The following ZNF185 variants were observed in gnomAD, a reference collection of about 807,000 sequenced individuals.
ZNF185 encodes zinc finger protein 185 with LIM domain, also known as zinc finger protein 185.
In ZNF185, 56 loss-of-function variants were observed where a neutral mutation model predicts 58.6. The observed-to-expected ratio is 0.95, with a 90% CI of 0.77 to 1.19. ZNF185 has a LOEUF of 1.19. Ranked by LOEUF, ZNF185 falls within the 50% of genes most tolerant of loss-of-function variation. ZNF185 has a pLI of 0.00. For synonymous variants in ZNF185, 230 were observed against 215.9 expected (o/e 1.07, Z -0.57); for missense variants, 627 against 573.5 (o/e 1.09, Z -0.95).
rs145624507 is a variant in ZNF185, at chrX:152,922,987, G to C, written c.830+178G>C. 2.7e-5 allele frequency among the ~76,000 whole-genome samples: 3 copies of C among 112,410 alleles called. No individual in the cohort carries two copies. In the East Asian group the frequency reaches 8.4e-4, roughly 32 times the overall value. On this transcript the variant is annotated intron_variant, in intron 11 of 22. Transcript: ENST00000449285. ...TGATTTGTCTTGATTTCTGATCCCTGAGAATCTGGGCAGATAATGGTGCTC... is the reference window on the plus strand; with the variant it reads ...TGATTTGTCTTGATTTCTGATCCCTCAGAATCTGGGCAGATAATGGTGCTC...
At chrX:152,961,912 C>G (rs1404505170) in intron 17 of ZNF185, among the ~76,000 whole-genome samples, 4 of 112,040 alleles carry the variant, frequency 3.6e-5, no homozygotes, top group South Asian at 3.8e-4. Context: ...AGATCAGAGC[C>G]TGTACTGTTC....
At chrX:152,947,002 C>T (rs183401281) in intron 16 of ZNF185, among the ~76,000 whole-genome samples, 5 of 111,828 alleles carry the variant, frequency 4.5e-5, no homozygotes, top group South Asian at 3.7e-4. Flanking sequence ...GAGTATACGA[C>T]GAGACAAGGC....
chrX:152,925,258 A>G (rs1372377572), intron 11 of ZNF185, among the ~76,000 whole-genome samples: 1 of 111,810 alleles, frequency 8.9e-6, no homozygotes, highest in East Asian at 2.8e-4. Flanking sequence ...ATGAGCTGTG[A>G]CCGCACCCTT....
chrX:152,965,457 C>T lies in ZNF185; in HGVS notation c.1729C>T (p.Leu577Phe). The T allele has an allele frequency of 8.5e-7, 1 of 1,181,770 alleles. No homozygotes were observed. The highest frequency in any genetic ancestry group is 1.1e-6 in the Non-Finnish European group (1 of 879,028). ...GTGCTCCTTCTACAGCAAAGGGATTCTCTTCGTGAAGGAGTACGTGAATGC... is the reference window on the plus strand; with the variant it reads ...GTGCTCCTTCTACAGCAAAGGGATTTTCTTCGTGAAGGAGTACGTGAATGC... Residue 577 changes from leucine to phenylalanine, a missense_variant, in exon 19 of 23, where the codon CTC becomes TTC. Transcript: ENST00000449285.
the ZNF185 span, among the ~76,000 whole-genome samples, chrX:152,908,428 GTCTT>G: frequency 8.9e-6 from 1 of 112,703 alleles, no homozygotes; most frequent in African/African-American, 3.2e-5. Flanking sequence ...CTTTTTCTGA[GTCTT>G]TCTCAGGCAC....
At chrX:152,917,489 G>A (rs17327072) in intron 5 of ZNF185, 127 bp downstream of exon 6, 77,883 of 835,382 alleles carry the variant, frequency 0.093, 2,660 homozygotes, top group Non-Finnish European at 0.098. Context: ...TTTCATCCTG[G>A]GTAGGGCAGG....
At chrX:152,945,635 T>C (rs2047711368) in intron 16 of ZNF185, among the ~76,000 whole-genome samples, 171 bp downstream of exon 18, 1 of 111,740 alleles carries the variant, frequency 8.9e-6, no homozygotes, top group Non-Finnish European at 1.9e-5. Flanking sequence ...TAGAGCAGTG[T>C]CATCAGGCTT....
intron 7 of ZNF185, 43 bp downstream of exon 8, chrX:152,919,124 G>A: frequency 1.9e-6 from 2 of 1,048,871 alleles, no homozygotes; most frequent in Non-Finnish European, 2.7e-6. Flanking sequence ...GGGCAGGGCA[G>A]GAGCCTGAGT....
At position 152,939,989 on chromosome X, in the gene ZNF185, G is replaced by T. The variant is rs569170846; in HGVS notation, c.1211+1826G>T. On this transcript the variant is annotated intron_variant, in intron 15 of 22. Coordinates refer to ENST00000449285, the Ensembl canonical transcript of ZNF185. The stretch of plus-strand genomic sequence containing the variant: ...CTAGGGATAGGGTTTCACTGTGTTG[G>T]CCAGGCTGGTCTCAAACTCCTGACA... Among the ~76,000 whole-genome samples the T allele has an allele frequency of 3.6e-5, 4 of 110,083 alleles. No individual in the cohort carries two copies. The South Asian group carries it at 1.6e-3, about 43-fold the overall frequency.
At chrX:152,916,349 C>A (rs1282503625) in intron 3 of ZNF185, among the ~76,000 whole-genome samples, 1 of 111,208 alleles carries the variant, frequency 9.0e-6, no homozygotes, top group African/African-American at 3.3e-5. Context: ...TTTGCAGGGG[C>A]CCCTAACTCC....
intron 6 of ZNF185, 93 bp downstream of exon 7, chrX:152,918,247 C>CGA: frequency 1.9e-6 from 2 of 1,027,775 alleles, no homozygotes; most frequent in Non-Finnish European, 2.7e-6. Context: ...TACTTGCCAC[C>CGA]GAGCACAGCC....
At chrX:152,948,594 C>T (rs782235139) in intron 16 of ZNF185, among the ~76,000 whole-genome samples, 2 of 111,498 alleles carry the variant, frequency 1.8e-5, no homozygotes, top group East Asian at 5.7e-4. Flanking sequence ...AAGCTTGTGC[C>T]CGGGTTCCCT....
chrX:152,952,660 G>A (rs1308900099), intron 16 of ZNF185, among the ~76,000 whole-genome samples: 2 of 110,415 alleles, frequency 1.8e-5, no homozygotes, highest in Non-Finnish European at 3.8e-5. Flanking sequence ...AGGCATTGAA[G>A]GGGACAGATG....
chrX:152,950,650 C>G (rs1278240175), intron 16 of ZNF185, among the ~76,000 whole-genome samples: 1 of 111,395 alleles, frequency 9.0e-6, no homozygotes, highest in Non-Finnish European at 1.9e-5. Flanking sequence ...TTGCACCTTT[C>G]TTGTTACAAG....
At chrX:152,946,979 G>A (rs1163991340) in intron 16 of ZNF185, among the ~76,000 whole-genome samples, 5 of 111,960 alleles carry the variant, frequency 4.5e-5, no homozygotes, top group Non-Finnish European at 7.5e-5. Context: ...CCCTGTGGAG[G>A]ACCAGGCCAG....
Position 152,916,368 on chromosome X carries a change from G to A in ZNF185, c.225-763G>A, listed in dbSNP as rs555497319. 6.8e-4 allele frequency among the ~76,000 whole-genome samples: 76 copies of A among 111,372 alleles called. No individual in the cohort carries two copies. The South Asian group carries it at 9.9e-3, about 15-fold the overall frequency. On this transcript the variant is annotated intron_variant, in intron 3 of 22. Transcript: ENST00000449285. ...CAGGGGCCCCTAACTCCTGCCCGGAGGCCAGAACTTCCAGGCTGACCACCC... is the reference window on the plus strand; with the variant it reads ...CAGGGGCCCCTAACTCCTGCCCGGAAGCCAGAACTTCCAGGCTGACCACCC...
At chrX:152,930,749 G>C (rs1941805264) in intron 12 of ZNF185, among the ~76,000 whole-genome samples, 1 of 111,533 alleles carries the variant, frequency 9.0e-6, no homozygotes, top group African/African-American at 3.3e-5. Context: ...AGGTAGGCAG[G>C]TGGTGTTGAC....
chrX:152,938,221 T>G (rs994077293), intron 15 of ZNF185, 58 bp downstream of exon 17: 3 of 1,091,688 alleles, frequency 2.7e-6, no homozygotes, highest in East Asian at 3.3e-5. Flanking sequence ...GCTTGGGCTG[T>G]GTGTCCATTG....
At chrX:152,915,162 C>A in exon 3 of ZNF185, 2 of 1,210,456 alleles carry the variant, frequency 1.7e-6, no homozygotes, top group Non-Finnish European at 2.2e-6. Context: ...GCCGGAGTCG[C>A]GCCACATCCT....
Sources: allele counts gnomAD v4.1 joint callset (sites outside exome capture counted in the v4.1 genomes callset), GRCh38; gene constraint gnomAD v4.1.1; transcripts MANE v1.5; gene names NCBI Gene and HGNC (gene_info 2026-07-23, HGNC 2026-07-21).